GREB1L: variants seen among roughly 807,000 people sequenced by gnomAD.
GREB1L encodes the protein GREB1 like retinoic acid receptor coactivator, also known as GREB1-like protein.
A neutral mutation model predicts 200.8 loss-of-function variants in GREB1L; 17 were observed. The observed-to-expected ratio is 0.08, with a 90% CI of 0.06 to 0.13. GREB1L has a LOEUF of 0.13. Among genes scored for constraint, GREB1L ranks in the 10% least tolerant of loss-of-function variants. The pLI is 1.00. For synonymous variants in GREB1L, 789 were observed against 893.0 expected (o/e 0.88, Z 2.08); for missense variants, 1,657 against 2,367.7 (o/e 0.70, Z 6.23).
rs1452370914 is a variant in GREB1L at position 21,499,775 on chromosome 18, G to A, written c.3438G>A (p.Lys1146=). 1 of 1,552,068 alleles carries A rather than the reference G, an allele frequency of 6.4e-7. No individual in the cohort carries two copies. The highest frequency in any genetic ancestry group is 2.0e-5 in the Admixed American group (1 of 51,004). The change falls in exon 22 of 33, where the codon AAG becomes AAA. Residue 1146 remains lysine, a synonymous_variant. Transcript: ENST00000424526. The stretch of plus-strand genomic sequence containing the variant: ...TGAGCTCTTCCAGCACAGCTGACAA[G>A]TCCCAGAAGCAGTCCCTGACCCCCA... ...NGVSSSSTAD[K]SQKQSLTPSF...
chr18:21,403,259 C>T (rs1231955054), intron 6 of GREB1L, among the ~76,000 whole-genome samples: 1 of 152,168 alleles, frequency 6.6e-6, no homozygotes, highest in East Asian at 1.9e-4. Flanking sequence ...ATACCAGAGG[C>T]CCATTAATAC....
chr18:21,495,826 C>A, intron 20 of GREB1L, 41 bp downstream of exon 20: 2 of 1,105,118 alleles, frequency 1.8e-6, no homozygotes, highest in South Asian at 1.4e-5. Flanking sequence ...ATCAGTTGCC[C>A]AGCTGAACTG....
At chr18:21,363,891 A>T (rs1231883117) in intron 1 of GREB1L, 1 of 152,176 alleles carries the variant, frequency 6.6e-6, no homozygotes, top group African/African-American at 2.4e-5. Context: ...GATTTGCAAA[A>T]TGTGTTTGAA....
intron 15 of GREB1L, among the ~76,000 whole-genome samples, chr18:21,459,549 A>T (rs2034942607): frequency 6.6e-6 from 1 of 151,922 alleles, no homozygotes; most frequent in Non-Finnish European, 1.5e-5. Context: ...GGCCTCCCAA[A>T]GTGCTGGGAT....
chr18:21,458,119 C>T (rs891910405), intron 15 of GREB1L, among the ~76,000 whole-genome samples: 2 of 152,054 alleles, frequency 1.3e-5, no homozygotes, highest in African/African-American at 4.8e-5. Context: ...CAGGCATGCG[C>T]CACCATGCCT....
chr18:21,506,394 CAA>C (rs1188698883), intron 25 of GREB1L, among the ~76,000 whole-genome samples: 8 of 106,988 alleles, frequency 7.5e-5, no homozygotes, highest in East Asian at 2.6e-4. Context: ...GACTCCGTCT[CAA>C]AAAAAAAAAA....
chr18:21,501,291 T>A (rs925073186), intron 23 of GREB1L, among the ~76,000 whole-genome samples: 4 of 151,676 alleles, frequency 2.6e-5, no homozygotes, highest in South Asian at 2.1e-4. Context: ...ATGTGCTGAA[T>A]GTGCAGGTTT....
intron 15 of GREB1L, chr18:21,454,972 G>A (rs1238427376): frequency 9.2e-5 from 19 of 206,300 alleles, no homozygotes; most frequent in African/African-American, 2.8e-4. Context: ...TTAACAGCAC[G>A]TCTGGGACCT....
chr18:21,356,936 A>T (rs1473097506), intron 1 of GREB1L, among the ~76,000 whole-genome samples: 1 of 152,072 alleles, frequency 6.6e-6, no homozygotes, highest in East Asian at 1.9e-4. Context: ...GAAGTTGAGC[A>T]TTTTTTCATA....
intron 5 of GREB1L, 41 bp from the exon 6 acceptor site, chr18:21,401,109 A>G: frequency 6.7e-7 from 1 of 1,484,666 alleles, no homozygotes; most frequent in Non-Finnish European, 9.2e-7. Flanking sequence ...TATTGTATCA[A>G]CTTACAAGGC....
At chr18:21,486,015 G>A (rs1056501591) in intron 18 of GREB1L, among the ~76,000 whole-genome samples, 1 of 152,176 alleles carries the variant, frequency 6.6e-6, no homozygotes, top group Non-Finnish European at 1.5e-5. Context: ...ATGCTTCACT[G>A]CTATCATCAG....
At chr18:21,299,213 G>C (rs1320154373) in intron 1 of GREB1L, among the ~76,000 whole-genome samples, 1 of 151,462 alleles carries the variant, frequency 6.6e-6, no homozygotes, top group African/African-American at 2.4e-5. Context: ...TGGAGGCGGA[G>C]GTTGCAGTGA....
At chr18:21,286,800 T>C (rs538446750) in intron 1 of GREB1L, among the ~76,000 whole-genome samples, 3 of 152,048 alleles carry the variant, frequency 2.0e-5, no homozygotes, top group Non-Finnish European at 4.4e-5. Flanking sequence ...ACCTGGCCTA[T>C]GGTTTTGATT....
intron 31 of GREB1L, among the ~76,000 whole-genome samples, chr18:21,518,632 G>T (rs921996135): frequency 2.6e-5 from 4 of 152,194 alleles, no homozygotes; most frequent in Non-Finnish European, 4.4e-5. Flanking sequence ...TCATAAAAGT[G>T]TGAGTTCTTC....
intron 2 of GREB1L, among the ~76,000 whole-genome samples, chr18:21,377,673 G>A (rs1247761439): frequency 1.3e-5 from 2 of 152,080 alleles, no homozygotes; most frequent in Non-Finnish European, 2.9e-5. Flanking sequence ...TCCAGCCTGG[G>A]TAACAGAGTA....
At chr18:21,418,868 T>G (rs2031893847) in intron 7 of GREB1L, among the ~76,000 whole-genome samples, 1 of 152,164 alleles carries the variant, frequency 6.6e-6, no homozygotes, top group African/African-American at 2.4e-5. Context: ...AAGCATGTAT[T>G]TATTGACTAT....
At chr18:21,498,656 G>C (rs773088477) in intron 21 of GREB1L, among the ~76,000 whole-genome samples, 1 of 152,274 alleles carries the variant, frequency 6.6e-6, no homozygotes, top group Non-Finnish European at 1.5e-5. Context: ...GTTTGCCCTT[G>C]GCTACTGTGT....
chr18:21,268,437 T>A (rs148514267), intron 1 of GREB1L, among the ~76,000 whole-genome samples: 1 of 147,924 alleles, frequency 6.8e-6, no homozygotes, highest in East Asian at 2.0e-4. Context: ...CTCTACAAAG[T>A]CAGGCGAGTT....
chr18:21,294,640 A>T (rs1415390507), intron 1 of GREB1L, among the ~76,000 whole-genome samples: 1 of 150,880 alleles, frequency 6.6e-6, no homozygotes, highest in Non-Finnish European at 1.5e-5. Flanking sequence ...GTTATATATA[A>T]TATAATAATG....
Sources: gnomAD v4.1 joint callset for allele counts (sites outside exome capture counted in the v4.1 genomes callset) on GRCh38, gnomAD v4.1.1 for gene constraint, MANE v1.5 for transcripts, NCBI Gene and HGNC (gene_info 2026-07-23, HGNC 2026-07-21) for gene names.